ZNF704: variants seen among roughly 807,000 people sequenced by gnomAD.
The protein encoded by ZNF704 is glucocorticoid induced gene 1.
Under a neutral mutation model 44.7 loss-of-function variants are expected in ZNF704, and 10 were observed. The observed-to-expected ratio is 0.22, with a 90% CI of 0.14 to 0.38. The LOEUF is 0.38. Among genes scored for constraint, ZNF704 ranks in the 10% least tolerant of loss-of-function variants. ZNF704 has a pLI of 1.00. For synonymous variants in ZNF704, 211 were observed against 207.6 expected (o/e 1.02, Z -0.14); for missense variants, 390 against 545.5 (o/e 0.71, Z 2.84).
At chr8:80,651,472 A>C (rs557327727) in intron 7 of ZNF704, among the ~76,000 whole-genome samples, 23 of 152,300 alleles carry the variant, frequency 1.5e-4, no homozygotes, top group African/African-American at 5.5e-4. Context: ...ATGGAGAAAG[A>C]TCTACCAAGC....
At chr8:80,695,119 T>C (rs1464065863) in intron 2 of ZNF704, among the ~76,000 whole-genome samples, 8 of 152,244 alleles carry the variant, frequency 5.3e-5, no homozygotes, top group Admixed American at 5.2e-4. Flanking sequence ...ACAAAGCCTC[T>C]TGAAATGGCA....
intron 1 of ZNF704, among the ~76,000 whole-genome samples, chr8:80,838,632 A>C (rs2129954455): frequency 7.0e-6 from 1 of 143,286 alleles, no homozygotes. Context: ...AGGAGGAGGA[A>C]GAGTTAGGGA....
intron 2 of ZNF704, among the ~76,000 whole-genome samples, chr8:80,726,510 C>T (rs1395761138): frequency 1.3e-5 from 2 of 151,962 alleles, no homozygotes; most frequent in Non-Finnish European, 2.9e-5. Flanking sequence ...AAAATAACAT[C>T]CTTTTCTGTT....
intron 2 of ZNF704, among the ~76,000 whole-genome samples, chr8:80,806,703 C>T (rs1257656492): frequency 1.3e-5 from 2 of 152,184 alleles, no homozygotes; most frequent in Non-Finnish European, 2.9e-5. Flanking sequence ...CAAAATACCA[C>T]AACCAAGAGT....
the ZNF704 span, among the ~76,000 whole-genome samples, chr8:80,883,614 A>G: frequency 2.0e-5 from 3 of 152,232 alleles, no homozygotes; most frequent in Non-Finnish European, 4.4e-5. Context: ...TCCAAGGGTC[A>G]TTTTCTACTT....
At chr8:80,871,267 G>A (rs925527166) in intron 1 of ZNF704, among the ~76,000 whole-genome samples, 8 of 151,846 alleles carry the variant, frequency 5.3e-5, no homozygotes, top group African/African-American at 1.9e-4. Flanking sequence ...CCTTTTAAAG[G>A]GCCCACCAGG....
chr8:80,715,228 C>T (rs1819054303), intron 2 of ZNF704, among the ~76,000 whole-genome samples: 1 of 152,208 alleles, frequency 6.6e-6, no homozygotes, highest in South Asian at 2.1e-4. Flanking sequence ...TAAGCCCACA[C>T]AAAATGTGAA....
intron 2 of ZNF704, among the ~76,000 whole-genome samples, chr8:80,801,562 A>T (rs1340435451): frequency 6.6e-6 from 1 of 152,216 alleles, no homozygotes; most frequent in East Asian, 1.9e-4. Context: ...TTCATGAATA[A>T]CTGTTAGTTA....
At chr8:80,646,649 T>C (rs1327541861) in intron 7 of ZNF704, among the ~76,000 whole-genome samples, 1 of 152,166 alleles carries the variant, frequency 6.6e-6, no homozygotes, top group South Asian at 2.1e-4. Flanking sequence ...GTTCAGTGCA[T>C]TCATTTCATG....
intron 1 of ZNF704, among the ~76,000 whole-genome samples, chr8:80,858,695 C>CA (rs1281473430): frequency 4.7e-5 from 7 of 149,406 alleles, no homozygotes; most frequent in Non-Finnish European, 1.0e-4. Context: ...AAAAAAAAAA[C>CA]AAAAAACAAA....
chr8:80,770,566 T>C (rs924221550), intron 2 of ZNF704, among the ~76,000 whole-genome samples: 12 of 152,206 alleles, frequency 7.9e-5, no homozygotes, highest in Non-Finnish European at 1.6e-4. Flanking sequence ...TTTTTACTGT[T>C]GAGTTTTGAA....
intron 2 of ZNF704, among the ~76,000 whole-genome samples, chr8:80,722,759 G>A (rs558123283): frequency 1.1e-4 from 16 of 152,130 alleles, no homozygotes; most frequent in Non-Finnish European, 1.5e-4. Context: ...ACAAGTGATC[G>A]GAGAATATAT....
intron 2 of ZNF704, among the ~76,000 whole-genome samples, chr8:80,761,458 A>G (rs1807129162): frequency 1.3e-5 from 2 of 152,168 alleles, no homozygotes; most frequent in African/African-American, 4.8e-5. Context: ...GAAAGACACA[A>G]TCCTAAACAC....
chr8:80,773,063 C>A (rs1198984471), intron 2 of ZNF704, among the ~76,000 whole-genome samples: 1 of 151,864 alleles, frequency 6.6e-6, no homozygotes, highest in Non-Finnish European at 1.5e-5. Flanking sequence ...TTTCCTGTTA[C>A]CTTTCTATTA....
chr8:80,699,106 TCA>T (rs1463375041), intron 2 of ZNF704, among the ~76,000 whole-genome samples: 1 of 152,180 alleles, frequency 6.6e-6, no homozygotes, highest in Non-Finnish European at 1.5e-5. Flanking sequence ...TAGACCAAGT[TCA>T]GTCACTTTTA....
chr8:80,724,491 G>T (rs1375679994), intron 2 of ZNF704, among the ~76,000 whole-genome samples: 1 of 152,084 alleles, frequency 6.6e-6, no homozygotes, highest in Non-Finnish European at 1.5e-5. Context: ...TATTTTAATT[G>T]TATACACTAT....
At position 80,646,130 on chromosome 8, in the gene ZNF704, A is replaced by C. The variant is rs374777077; in HGVS notation, c.1033-3001T>G. On this transcript the variant is annotated intron_variant, in intron 7 of 8. Coordinates refer to ENST00000327835, the MANE Select transcript of ZNF704 (RefSeq NM_001033723.3). ...GTCAGTAAATTTCTGTTCATTATAG[A>C]TTACCCAGTCTAAGGTATTCTGTTA... Among the ~76,000 whole-genome samples, 187 of 152,306 alleles carry C rather than the reference A, an allele frequency of 1.2e-3. 1 individual carries two copies. The highest frequency in any genetic ancestry group is 3.7e-3 in the African/African-American group (154 of 41,568).
At chr8:80,840,795 A>C (rs1167288413) in intron 1 of ZNF704, among the ~76,000 whole-genome samples, 1 of 152,138 alleles carries the variant, frequency 6.6e-6, no homozygotes, top group Non-Finnish European at 1.5e-5. Context: ...TGAGCCTATC[A>C]CTAAGTTTAA....
chr8:80,859,927 TC>T (rs1205989470), intron 1 of ZNF704, among the ~76,000 whole-genome samples: 1 of 152,198 alleles, frequency 6.6e-6, no homozygotes, highest in Non-Finnish European at 1.5e-5. Flanking sequence ...AAACCTTTAA[TC>T]CTAGGTCATT....
Sources: allele counts gnomAD v4.1 joint callset (sites outside exome capture counted in the v4.1 genomes callset), GRCh38; gene constraint gnomAD v4.1.1; transcripts MANE v1.5; gene names NCBI Gene and HGNC (gene_info 2026-07-23, HGNC 2026-07-21).